The following KDM4A variants were observed in gnomAD, a reference collection of about 807,000 sequenced individuals.
KDM4A encodes lysine demethylase 4A, also known as lysine-specific demethylase 4A.
A neutral mutation model predicts 127.1 loss-of-function variants in KDM4A; 23 were observed. The ratio of observed to expected loss-of-function variants is 0.18; its 90% CI spans 0.13 to 0.26. The LOEUF (loss-of-function observed/expected upper bound fraction) is 0.26. KDM4A is among the 10% of genes least tolerant of loss of function. The probability of loss-of-function intolerance (pLI) is 1.00; values close to 1 mark genes in which losing one functional copy is unlikely to be tolerated. For synonymous variants in KDM4A, 443 were observed against 466.5 expected (o/e 0.95, Z 0.65); for missense variants, 890 against 1,329.1 (o/e 0.67, Z 5.14).
chr1:43,701,776 C>T (rs1351253235), intron 19 of KDM4A, among the ~76,000 whole-genome samples: 4 of 152,202 alleles, frequency 2.6e-5, no homozygotes, highest in African/African-American at 9.7e-5. Context: ...CATGAGCCAC[C>T]ATGCCTGGCC....
At chr1:43,700,771 T>C (rs1661368753) in intron 19 of KDM4A, among the ~76,000 whole-genome samples, 1 of 152,044 alleles carries the variant, frequency 6.6e-6, no homozygotes, top group African/African-American at 2.4e-5. Context: ...TCAGTGAACG[T>C]TTCATACTGT....
Position 43,671,566 on chromosome 1 carries a change from G to A in KDM4A, c.1425G>A (p.Glu475=). 1.2e-6 allele frequency: 2 copies of A among 1,605,682 alleles called. No homozygotes were observed. Among genetic ancestry groups the A allele is most frequent in the Non-Finnish European group, 8.5e-7 (1 of 1,176,826 alleles). Residue 475 remains glutamate, a synonymous_variant, in exon 11 of 22, where the codon GAG becomes GAA. Coordinates refer to ENST00000372396, the MANE Select transcript of KDM4A (RefSeq NM_014663.3). ...TTAAAAATGTCAAACTAGAAGAGGA[G>A]GATGAGGAGGAAGAACAAGCAGCAG... is the stretch of plus-strand genomic sequence containing the variant. ...EELKNVKLEE[E]DEEEEQAAAA...
In KDM4A at chr1:43,674,059, C is replaced by T. The variant is rs1386979270; in HGVS notation, c.1734+2184C>T. On this transcript the variant is annotated intron_variant, in intron 11 of 21. Transcript: ENST00000372396. ...TGGGTTCAACCCATCCTCCCCACCT[C>T]AGCCTCCCAAGTAGCTGGGACTACA... Among the ~76,000 whole-genome samples the T allele has an allele frequency of 2.0e-5, 3 of 152,206 alleles. No individual in the cohort carries two copies. In the East Asian group the frequency reaches 5.8e-4, roughly 29 times the overall value.
At chr1:43,675,335 A>T (rs1660716947) in intron 11 of KDM4A, among the ~76,000 whole-genome samples, 1 of 152,204 alleles carries the variant, frequency 6.6e-6, no homozygotes, top group Non-Finnish European at 1.5e-5. Flanking sequence ...GATAGGTAAG[A>T]GCAAATCATT....
At position 43,688,972 on chromosome 1, in the gene KDM4A, G is replaced by A. The variant is rs1249527482; in HGVS notation, c.1914G>A (p.Lys638=). The A allele has an allele frequency of 6.2e-7, 1 of 1,614,106 alleles. No individual in the cohort carries two copies. Among genetic ancestry groups the A allele is most frequent in the Non-Finnish European group, 8.5e-7 (1 of 1,180,044 alleles). ...EEAEETEAWA[K]PLSQLWQNRP... Reference sequence around the variant, plus strand: ...CTGAGGAGACAGAGGCCTGGGCCAAGCCTCTGAGCCAACTGTGGCAGAACC... The same window carrying A: ...CTGAGGAGACAGAGGCCTGGGCCAAACCTCTGAGCCAACTGTGGCAGAACC... The change falls in exon 13 of 22, where the codon AAG becomes AAA. Residue 638 remains lysine, a synonymous_variant. Coordinates refer to ENST00000372396, the MANE Select transcript of KDM4A (RefSeq NM_014663.3). This position sits in a 1 kb window ranked among gnomAD's most constrained non-coding sequence, Gnocchi z 4.4.
chr1:43,656,127 G>A (rs970669243), intron 3 of KDM4A, among the ~76,000 whole-genome samples: 9 of 152,016 alleles, frequency 5.9e-5, no homozygotes, highest in Admixed American at 3.3e-4. Context: ...CCTCTCTCTC[G>A]GGATGCTCTG....
intron 8 of KDM4A, 36 bp from the exon 9 acceptor site, chr1:43,667,736 A>G: frequency 6.2e-7 from 1 of 1,613,230 alleles, no homozygotes; most frequent in Non-Finnish European, 8.5e-7. Context: ...GCAGCAAGGT[A>G]TGCTCACCTG....
chr1:43,690,186 C>G (rs1372421491), intron 13 of KDM4A, among the ~76,000 whole-genome samples: 1 of 152,226 alleles, frequency 6.6e-6, no homozygotes, highest in Non-Finnish European at 1.5e-5. Flanking sequence ...GTTCAGGTGA[C>G]CTGCTGACAG....
rs114488806 is a variant in KDM4A, at chr1:43,668,123, T to G, written c.1163+104T>G. The G allele has an allele frequency of 2.2e-3, 3,032 of 1,361,110 alleles. 58 individuals carry two copies. The African/African-American group carries it at 0.039, about 17-fold the overall frequency. The allele number at this position is 1,361,110 out of a possible 1,614,324, so 84.3% of individuals were successfully genotyped here. A position where few individuals can be genotyped will look rare whatever the true frequency, so the allele number is the denominator to read the frequency against. ...TTCTTGTTTTTTTTGTTTTGTTTTG[T>G]TTTTGTTTTTGTTTTTGTTTTTGAT... is the stretch of plus-strand genomic sequence containing the variant. On this transcript the variant is annotated intron_variant, in intron 9 of 21. Coordinates refer to ENST00000372396, the MANE Select transcript of KDM4A (RefSeq NM_014663.3).
Position 43,691,060 on chromosome 1 carries a change from C to CT in KDM4A, c.2242+12dup. Reference sequence around the variant, plus strand: ...TCCGGGTCCATGCCAGTGAGTGCTGCTCACCTTTCTCTGTGTCCTGTCCCA... The same window carrying CT: ...TCCGGGTCCATGCCAGTGAGTGCTGCTTCACCTTTCTCTGTGTCCTGTCCCA... On this transcript the variant is annotated intron_variant, in intron 14 of 21. Coordinates refer to ENST00000372396, the MANE Select transcript of KDM4A (RefSeq NM_014663.3). The CT allele has an allele frequency of 6.2e-7, 1 of 1,613,368 alleles. No individual in the cohort carries two copies. The highest frequency in any genetic ancestry group is 8.5e-7 in the Non-Finnish European group (1 of 1,179,756).
At position 43,704,769 on chromosome 1, in the gene KDM4A, A is replaced by ATG. The variant is rs141211144; in HGVS notation, c.*414_*415dup. 1,110 of 226,706 alleles carry ATG rather than the reference A, an allele frequency of 4.9e-3. 8 individuals carry two copies. The highest frequency in any genetic ancestry group is 0.019 in the South Asian group (276 of 14,496). 14.0% of individuals were successfully genotyped at this position (226,706 alleles called of 1,614,324 possible). A position where few individuals can be genotyped will look rare whatever the true frequency, so the allele number is the denominator to read the frequency against. On this transcript the variant is annotated 3_prime_UTR_variant, in exon 22 of 22. Coordinates refer to ENST00000372396, the MANE Select transcript of KDM4A (RefSeq NM_014663.3). ...CCCCAACCCCTACTTTTGTATTTAT[A>ATG]TGTGTGTGTGTGTGTGCGTGCGTGC...
intron 11 of KDM4A, among the ~76,000 whole-genome samples, chr1:43,682,899 A>G (rs1443575677): frequency 6.6e-6 from 1 of 152,234 alleles, no homozygotes; most frequent in Non-Finnish European, 1.5e-5. Context: ...GGATTTTGCT[A>G]ACCCTGCATC....
intron 12 of KDM4A, among the ~76,000 whole-genome samples, chr1:43,687,078 C>G (rs983910395): frequency 6.6e-6 from 1 of 152,162 alleles, no homozygotes; most frequent in Admixed American, 6.5e-5. Context: ...ATCTTGGTCA[C>G]TCCTGTTTGG....
intron 3 of KDM4A, among the ~76,000 whole-genome samples, chr1:43,657,205 T>C (rs1330377490): frequency 6.6e-6 from 1 of 151,678 alleles, no homozygotes; most frequent in Non-Finnish European, 1.5e-5. Flanking sequence ...TAACTCCTTT[T>C]ATTTATTTTT....
At chr1:43,692,518 T>C (rs1049746643) in intron 16 of KDM4A, among the ~76,000 whole-genome samples, 3 of 152,148 alleles carry the variant, frequency 2.0e-5, no homozygotes, top group African/African-American at 7.2e-5. Context: ...CTCCAGCTGC[T>C]CCTCTGCAGC....
chr1:43,696,832 A>G (rs1172354259), intron 18 of KDM4A, among the ~76,000 whole-genome samples: 1 of 152,186 alleles, frequency 6.6e-6, no homozygotes, highest in African/African-American at 2.4e-5. Context: ...TTTTTCACTG[A>G]TTTATTCTTC....
chr1:43,669,454 G>A (rs1451481327), intron 10 of KDM4A, among the ~76,000 whole-genome samples, 155 bp downstream of exon 10: 1 of 152,166 alleles, frequency 6.6e-6, no homozygotes, highest in Non-Finnish European at 1.5e-5. Flanking sequence ...TTTGGGTAGG[G>A]ATGTACAGGG....
In KDM4A at chr1:43,655,102, G is replaced by A. The variant is rs552995097; in HGVS notation, c.139-489G>A. Among the ~76,000 whole-genome samples, 14 of 152,146 alleles carry A rather than the reference G, an allele frequency of 9.2e-5. No individual in the cohort carries two copies. The South Asian group carries it at 1.0e-3, about 11-fold the overall frequency. On this transcript the variant is annotated intron_variant, in intron 2 of 21. Coordinates refer to ENST00000372396, the MANE Select transcript of KDM4A (RefSeq NM_014663.3). ...TGACCTCAGGTGATCCACCTGCCTC[G>A]GCCTCCCAAAGTGCTGGGATTACCG...
intron 19 of KDM4A, chr1:43,702,177 C>G (rs765463814): frequency 2.6e-5 from 4 of 152,196 alleles, no homozygotes; most frequent in Non-Finnish European, 4.4e-5. Flanking sequence ...CTCACTTGCT[C>G]CCTGACAGTG....
Sources: gnomAD v4.1 joint callset for allele counts (sites outside exome capture counted in the v4.1 genomes callset) on GRCh38, gnomAD v4.1.1 for gene constraint, Gnocchi (gnomAD v3.1) non-coding constraint, MANE v1.5 for transcripts, NCBI Gene and HGNC (gene_info 2026-07-23, HGNC 2026-07-21) for gene names.